The following VSIG1 variants were observed in gnomAD, a reference collection of about 807,000 sequenced individuals.
VSIG1 encodes the protein V-set and immunoglobulin domain-containing protein 1.
VSIG1 carries 11 observed loss-of-function variants against 20.1 expected under a neutral mutation model. The observed-to-expected ratio is 0.55, with a 90% confidence interval of 0.34 to 0.91. The LOEUF (loss-of-function observed/expected upper bound fraction) is 0.91, where lower values mean the gene tolerates loss of function less well. VSIG1 is among the 40% of genes least tolerant of loss of function. The pLI is 0.02. For missense variants in VSIG1, 283 were observed against 298.8 expected, an observed-to-expected ratio of 0.95 and a Z score of 0.39; for synonymous variants, 126 against 116.7, an observed-to-expected ratio of 1.08 and a Z score of -0.52.
the VSIG1 span, among the ~76,000 whole-genome samples, chrX:108,023,538 T>G: frequency 8.9e-6 from 1 of 112,209 alleles, no homozygotes; most frequent in Non-Finnish European, 1.9e-5. Flanking sequence ...ATTTAATTAT[T>G]TGTTAAACCA....
At chrX:108,047,947 T>TACAC (rs1569287363) in intron 1 of VSIG1, among the ~76,000 whole-genome samples, 14 of 34,218 alleles carry the variant, frequency 4.1e-4, no homozygotes, top group Admixed American at 8.5e-4. Context: ...CATATATATA[T>TACAC]ATATATACAC....
At chrX:108,029,940 C>G in the VSIG1 span, among the ~76,000 whole-genome samples, 2 of 111,738 alleles carry the variant, frequency 1.8e-5, no homozygotes, top group Non-Finnish European at 3.8e-5. Context: ...GAGAGAGAGA[C>G]AGCTGAGGTT....
At chrX:108,021,901 C>T in the VSIG1 span, among the ~76,000 whole-genome samples, 5 of 112,124 alleles carry the variant, frequency 4.5e-5, no homozygotes, top group Non-Finnish European at 7.5e-5. Flanking sequence ...AATTCTATTC[C>T]ATTGATCTAT....
chrX:108,058,332 G>A, intron 2 of VSIG1, 131 bp downstream of exon 2: 1 of 629,645 alleles, frequency 1.6e-6, no homozygotes, highest in South Asian at 3.0e-5. Flanking sequence ...GATACAAAAA[G>A]TTTGAAGACA....
At chrX:108,047,959 CACATATATATATATATATATAT>C (rs2030679412) in intron 1 of VSIG1, among the ~76,000 whole-genome samples, 3 of 14,808 alleles carry the variant, frequency 2.0e-4, no homozygotes, top group Admixed American at 5.9e-4. Context: ...TATATACACA[CACATATATATATATATATATAT>C]ATATATATAT....
At chrX:108,056,146 A>T (rs140588540) in intron 1 of VSIG1, among the ~76,000 whole-genome samples, 1,333 of 111,501 alleles carry the variant, frequency 0.012, 25 homozygotes, top group African/African-American at 0.041. Flanking sequence ...TCATCTCAGG[A>T]TCCTTAATTA....
chrX:108,056,729 A>C (rs2030906928), intron 1 of VSIG1, among the ~76,000 whole-genome samples: 1 of 112,683 alleles, frequency 8.9e-6, no homozygotes, highest in Admixed American at 9.4e-5. Context: ...AAACTGTGAC[A>C]ACACCAAATG....
chrX:108,075,974 T>C, intron 5 of VSIG1, 103 bp from the exon 6 acceptor site: 1 of 1,048,198 alleles, frequency 9.5e-7, no homozygotes, highest in Non-Finnish European at 1.3e-6. Context: ...ACAAGTCATT[T>C]TCCCACTATG....
the VSIG1 span, among the ~76,000 whole-genome samples, chrX:108,022,431 C>A: frequency 9.0e-6 from 1 of 111,730 alleles, no homozygotes; most frequent in Non-Finnish European, 1.9e-5. Flanking sequence ...CATTTTTTAG[C>A]TCTAATTGTT....
chrX:108,058,647 A>C (rs1189462146), intron 2 of VSIG1, among the ~76,000 whole-genome samples: 1 of 111,545 alleles, frequency 9.0e-6, no homozygotes, highest in Non-Finnish European at 1.9e-5. Flanking sequence ...ACTGTGCTAG[A>C]CTGAGGCCTG....
At chrX:108,061,583 A>G in intron 2 of VSIG1, 1 of 1,005,346 alleles carries the variant, frequency 9.9e-7, no homozygotes, top group Non-Finnish European at 1.4e-6. Flanking sequence ...TTGTTTGGAG[A>G]CTCCAGGGCA....
At chrX:108,075,154 G>A (rs1332592020) in intron 5 of VSIG1, among the ~76,000 whole-genome samples, 1 of 111,527 alleles carries the variant, frequency 9.0e-6, no homozygotes, top group Non-Finnish European at 1.9e-5. Flanking sequence ...GTGGGTGTGA[G>A]GGGAGTGGTG....
intron 1 of VSIG1, among the ~76,000 whole-genome samples, chrX:108,049,796 G>A (rs951503571): frequency 9.0e-6 from 1 of 111,717 alleles, no homozygotes; most frequent in Non-Finnish European, 1.9e-5. Flanking sequence ...ATTTAAGCAC[G>A]GCCAGAGATG....
chrX:108,022,768 T>C, the VSIG1 span, among the ~76,000 whole-genome samples: 1 of 111,997 alleles, frequency 8.9e-6, no homozygotes, highest in African/African-American at 3.2e-5. Context: ...TGGGGCCTAG[T>C]GAGAGGTATT....
At chrX:108,029,552 A>C in the VSIG1 span, among the ~76,000 whole-genome samples, 1 of 112,186 alleles carries the variant, frequency 8.9e-6, no homozygotes, top group African/African-American at 3.2e-5. Flanking sequence ...ATTAGTAAAG[A>C]ATGTGCAGAT....
chrX:108,072,627 A>G, intron 3 of VSIG1, 50 bp from the exon 4 acceptor site: 1 of 1,106,958 alleles, frequency 9.0e-7, no homozygotes, highest in Non-Finnish European at 1.2e-6. Flanking sequence ...CAATTGTCAC[A>G]GAATGCCATT....
At chrX:108,060,020 G>C (rs901392556) in intron 2 of VSIG1, among the ~76,000 whole-genome samples, 2 of 111,648 alleles carry the variant, frequency 1.8e-5, no homozygotes, top group Non-Finnish European at 3.8e-5. Context: ...AACTGGGAGG[G>C]AGCTGCAGAG....
upstream of VSIG1, among the ~76,000 whole-genome samples, chrX:108,043,141 A>G (rs940978039): frequency 3.6e-5 from 4 of 111,396 alleles, no homozygotes; most frequent in African/African-American, 1.3e-4. Flanking sequence ...TTGGGGGAAA[A>G]TGTTGATTTG....
chrX:108,059,381 G>A (rs1350510583), intron 2 of VSIG1, among the ~76,000 whole-genome samples: 1 of 111,159 alleles, frequency 9.0e-6, no homozygotes, highest in Admixed American at 9.6e-5. Context: ...CCGTACAGGG[G>A]GAGATTCCAT....
Sources: gnomAD v4.1 joint callset for allele counts (sites outside exome capture counted in the v4.1 genomes callset) on GRCh38, gnomAD v4.1.1 for gene constraint, MANE v1.5 for transcripts, NCBI Gene and HGNC (gene_info 2026-07-23, HGNC 2026-07-21) for gene names.